Variants in IDO2 observed in about 807,000 individuals in gnomAD.
The protein encoded by IDO2 is indoleamine 2,3-dioxygenase-like 1 protein.
A neutral mutation model predicts 45.1 loss-of-function variants in IDO2; 46 were observed. That is an observed-to-expected ratio of 1.02 (90% CI 0.80 to 1.30). The LOEUF is 1.30. Among genes scored for constraint, IDO2 ranks in the 50% most tolerant of loss-of-function variants. The pLI is 0.00. For synonymous variants in IDO2, 218 were observed against 184.9 expected, an observed-to-expected ratio of 1.18 and a Z score of -1.45; for missense variants, 544 against 491.8, an observed-to-expected ratio of 1.11 and a Z score of -1.00.
At chr8:39,945,276 T>A (rs925067485) in intron 1 of IDO2, among the ~76,000 whole-genome samples, 3 of 152,200 alleles carry the variant, frequency 2.0e-5, no homozygotes, top group African/African-American at 7.2e-5. Flanking sequence ...CAATAGGCTA[T>A]AGGAGGAGTT....
chr8:39,952,257 G>C (rs1184490244), intron 2 of IDO2, among the ~76,000 whole-genome samples: 2 of 152,124 alleles, frequency 1.3e-5, no homozygotes, highest in African/African-American at 2.4e-5. Context: ...CCTGCTCAAG[G>C]GGACACCAGA....
At chr8:39,967,942 T>G (rs1452483972) in intron 3 of IDO2, among the ~76,000 whole-genome samples, 4 of 152,190 alleles carry the variant, frequency 2.6e-5, no homozygotes, top group African/African-American at 9.7e-5. Context: ...TGGCAGATTC[T>G]TATAAAATGA....
intron 1 of IDO2, among the ~76,000 whole-genome samples, chr8:39,939,178 G>T (rs1807603003): frequency 6.6e-6 from 1 of 151,184 alleles, no homozygotes; most frequent in Non-Finnish European, 1.5e-5. Context: ...AGGAGGTGGA[G>T]GTTGCAGTGA....
intron 7 of IDO2, among the ~76,000 whole-genome samples, chr8:39,988,653 G>A (rs1373858951): frequency 6.6e-6 from 1 of 151,790 alleles, no homozygotes; most frequent in African/African-American, 2.4e-5. Flanking sequence ...TCCTGACCTC[G>A]TGATCTGCTT....
At chr8:39,991,058 A>C (rs371772821) in intron 8 of IDO2, among the ~76,000 whole-genome samples, 1 of 152,188 alleles carries the variant, frequency 6.6e-6, no homozygotes, top group Non-Finnish European at 1.5e-5. Flanking sequence ...TACAAGAAGC[A>C]GGACTGGAGG....
At chr8:39,996,061 T>C (rs1251012991) in intron 8 of IDO2, among the ~76,000 whole-genome samples, 1 of 140,868 alleles carries the variant, frequency 7.1e-6, no homozygotes, top group Non-Finnish European at 1.5e-5. Flanking sequence ...CAATAAACTT[T>C]ATACCTAAGA....
chr8:39,963,544 C>A, intron 2 of IDO2, 64 bp from the exon 3 acceptor site: 1 of 877,660 alleles, frequency 1.1e-6, no homozygotes, highest in Non-Finnish European at 1.8e-6. Flanking sequence ...GTGAAAATAG[C>A]TACTCTCGGA....
At chr8:39,941,200 T>G in intron 1 of IDO2, among the ~76,000 whole-genome samples, 1 of 106,364 alleles carries the variant, frequency 9.4e-6, no homozygotes, top group African/African-American at 3.8e-5. Flanking sequence ...TCAGCCTGGG[T>G]GACAAAGCAA....
chr8:40,014,619 T>C (rs2129595661), intron 10 of IDO2, among the ~76,000 whole-genome samples: 1 of 152,332 alleles, frequency 6.6e-6, no homozygotes, highest in Non-Finnish European at 1.5e-5. Flanking sequence ...ATATTCCTTA[T>C]AGCAGCTACC....
intron 9 of IDO2, among the ~76,000 whole-genome samples, chr8:40,009,608 G>A (rs191112393): frequency 6.6e-6 from 1 of 152,170 alleles, no homozygotes; most frequent in East Asian, 1.9e-4. Flanking sequence ...AGAATGTATG[G>A]GAGCAATAAT....
Position 39,956,912 on chromosome 8 carries a change from A to G in IDO2, c.100-6696A>G, listed in dbSNP as rs149653252. Among the ~76,000 whole-genome samples the G allele has an allele frequency of 2.9e-3, 433 of 151,890 alleles. 2 individuals are homozygous for G. Among genetic ancestry groups the G allele is most frequent in the African/African-American group, 8.2e-3 (340 of 41,436 alleles). On this transcript the variant is annotated intron_variant, in intron 2 of 10. Coordinates refer to ENST00000502986, the Ensembl canonical transcript of IDO2. ...ACAAAAATCAGCCGGACGTGGTGGT[A>G]TACACCTGTAGTCCCAGCTATTTGG... is the stretch of plus-strand genomic sequence containing the variant.
intron 3 of IDO2, among the ~76,000 whole-genome samples, chr8:39,971,962 C>T (rs1808186291): frequency 6.6e-6 from 1 of 152,150 alleles, no homozygotes; most frequent in Non-Finnish European, 1.5e-5. Flanking sequence ...GTGCCTGCCA[C>T]CATGCCCACC....
intron 7 of IDO2, among the ~76,000 whole-genome samples, chr8:39,988,836 T>C (rs901439107): frequency 1.3e-5 from 2 of 152,288 alleles, no homozygotes; most frequent in Non-Finnish European, 2.9e-5. Context: ...ATGGTTACTT[T>C]AGTTCTCATC....
At chr8:40,001,493 C>G (rs1451401538) in intron 8 of IDO2, among the ~76,000 whole-genome samples, 1 of 151,738 alleles carries the variant, frequency 6.6e-6, no homozygotes, top group Non-Finnish European at 1.5e-5. Context: ...TGTGATCTGC[C>G]CACCTCAGCC....
intron 4 of IDO2, 64 bp from the exon 5 acceptor site, chr8:39,982,588 A>G (rs1049902677): frequency 2.7e-6 from 3 of 1,116,472 alleles, no homozygotes; most frequent in African/African-American, 3.1e-5. Context: ...AAAGACAACC[A>G]TGGTTATTTC....
intron 1 of IDO2, among the ~76,000 whole-genome samples, chr8:39,938,288 C>A (rs16888377): frequency 5.1e-5 from 2 of 39,558 alleles, no homozygotes; most frequent in East Asian, 1.7e-3. Flanking sequence ...ACAAAAAATT[C>A]TCTATCTATA....
chr8:39,951,440 G>A (rs1807813651), intron 2 of IDO2, among the ~76,000 whole-genome samples: 1 of 152,062 alleles, frequency 6.6e-6, no homozygotes, highest in Non-Finnish European at 1.5e-5. Context: ...TGACATGCAA[G>A]ACTCTCAGTG....
chr8:39,974,792 G>A (rs1209739287), intron 3 of IDO2, among the ~76,000 whole-genome samples: 2 of 152,194 alleles, frequency 1.3e-5, no homozygotes, highest in African/African-American at 2.4e-5. Flanking sequence ...GTGGTGGCAC[G>A]CACCTGTAGT....
At chr8:39,993,031 A>T (rs1002453658) in intron 8 of IDO2, among the ~76,000 whole-genome samples, 3 of 152,106 alleles carry the variant, frequency 2.0e-5, no homozygotes, top group African/African-American at 4.8e-5. Flanking sequence ...CATAAGGCAG[A>T]AGTCCACACG....
Sources: allele counts gnomAD v4.1 joint callset (sites outside exome capture counted in the v4.1 genomes callset), GRCh38; gene constraint gnomAD v4.1.1; transcripts MANE v1.5; gene names NCBI Gene and HGNC (gene_info 2026-07-23, HGNC 2026-07-21).